Variants in SYT13 observed in about 807,000 individuals in gnomAD.
SYT13 encodes synaptotagmin 13, also known as synaptotagmin-13.
In SYT13, 21 loss-of-function variants were observed where a neutral mutation model predicts 38.6. The observed-to-expected ratio is 0.54, with a 90% CI of 0.39 to 0.78. The LOEUF (loss-of-function observed/expected upper bound fraction) is 0.78. Ranked by LOEUF, SYT13 falls within the 30% of genes least tolerant of loss-of-function variation. The pLI is 0.00. For synonymous variants in SYT13, 241 were observed against 237.6 expected (o/e 1.01, Z -0.13); for missense variants, 495 against 548.7 (o/e 0.90, Z 0.98).
At chr11:45,281,934 G>C (rs1855079396) in intron 1 of SYT13, among the ~76,000 whole-genome samples, 1 of 152,206 alleles carries the variant, frequency 6.6e-6, no homozygotes, top group African/African-American at 2.4e-5. Context: ...GGGGCAAGGG[G>C]AAAAGAGCAG....
chr11:45,280,241 C>A (rs1430150915), intron 1 of SYT13, among the ~76,000 whole-genome samples: 2 of 152,080 alleles, frequency 1.3e-5, no homozygotes, highest in African/African-American at 4.8e-5. Flanking sequence ...AGGTAGGAGG[C>A]CTAATAGGAC....
At chr11:45,277,620 T>C (rs975102187) in intron 1 of SYT13, among the ~76,000 whole-genome samples, 1 of 152,112 alleles carries the variant, frequency 6.6e-6, no homozygotes, top group Non-Finnish European at 1.5e-5. Context: ...CCCCAGGCCC[T>C]CGTAAATGTT....
At chr11:45,282,800 AC>A (rs1489611141) in intron 1 of SYT13, among the ~76,000 whole-genome samples, 1 of 152,140 alleles carries the variant, frequency 6.6e-6, no homozygotes, top group Non-Finnish European at 1.5e-5. Flanking sequence ...AAGACCACAA[AC>A]CTTTTAATGC....
Position 45,264,721 on chromosome 11 carries a change from T to A in SYT13, c.184-8830A>T, listed in dbSNP as rs139922184. 3.8e-3 allele frequency among the ~76,000 whole-genome samples: 573 copies of A among 152,292 alleles called. 10 individuals carry two copies. Among genetic ancestry groups the A allele is most frequent in the African/African-American group, 0.013 (559 of 41,566 alleles). ...TAAGCCATTGTGTTTTGGGGTAGTT[T>A]GTTACACAGCAATAGATAACTAATA... On this transcript the variant is annotated intron_variant, in intron 1 of 5. Coordinates refer to ENST00000020926, the MANE Select transcript of SYT13 (RefSeq NM_020826.3).
At chr11:45,257,792 A>G (rs1466884052) in intron 1 of SYT13, among the ~76,000 whole-genome samples, 1 of 152,054 alleles carries the variant, frequency 6.6e-6, no homozygotes, top group Non-Finnish European at 1.5e-5. Flanking sequence ...GTGGATAAGA[A>G]GCTGCAGCAG....
chr11:45,262,750 CACACACACACACACACACAA>C (rs1243543276), intron 1 of SYT13, among the ~76,000 whole-genome samples: 7 of 134,418 alleles, frequency 5.2e-5, no homozygotes, highest in South Asian at 2.7e-4. Flanking sequence ...CACACACACA[CACACACACACACACACACAA>C]ATTGAACTGT....
At chr11:45,254,198 C>A in intron 3 of SYT13, 72 bp downstream of exon 3, 1 of 1,503,484 alleles carries the variant, frequency 6.7e-7, no homozygotes. Context: ...CAGATGATCC[C>A]ATCCTGCCTG....
chr11:45,259,854 G>A (rs978238001), intron 1 of SYT13, among the ~76,000 whole-genome samples: 3 of 152,198 alleles, frequency 2.0e-5, no homozygotes, highest in African/African-American at 7.2e-5. Context: ...TCAGCCTTGG[G>A]GCAGCAGAGT....
chr11:45,258,286 G>A (rs1027339160), intron 1 of SYT13: 1 of 152,208 alleles, frequency 6.6e-6, no homozygotes, highest in Non-Finnish European at 1.5e-5. Context: ...CACCCTGGGA[G>A]GGACATGTAT....
chr11:45,281,369 C>T (rs1330684681), intron 1 of SYT13, among the ~76,000 whole-genome samples: 2 of 152,000 alleles, frequency 1.3e-5, no homozygotes, highest in South Asian at 2.1e-4. Context: ...GGGATATGGA[C>T]AGAAGGGGCC....
chr11:45,278,894 C>T (rs1033973372), intron 1 of SYT13, among the ~76,000 whole-genome samples: 21 of 152,194 alleles, frequency 1.4e-4, no homozygotes, highest in African/African-American at 4.6e-4. Context: ...CTGTCTTCCA[C>T]GTTGCTAAGC....
intron 1 of SYT13, among the ~76,000 whole-genome samples, chr11:45,273,385 G>A (rs1314394367): frequency 6.6e-6 from 1 of 151,970 alleles, no homozygotes; most frequent in Non-Finnish European, 1.5e-5. Flanking sequence ...TCTCCTTTGG[G>A]CCAACTCCAC....
chr11:45,284,584 C>T (rs1350846158), intron 1 of SYT13, among the ~76,000 whole-genome samples: 1 of 152,054 alleles, frequency 6.6e-6, no homozygotes, highest in African/African-American at 2.4e-5. Context: ...ATCAATAAGA[C>T]AAAGAGTTGG....
intron 1 of SYT13, among the ~76,000 whole-genome samples, chr11:45,257,550 G>C (rs774785177): frequency 1.3e-5 from 2 of 152,250 alleles, no homozygotes; most frequent in African/African-American, 2.4e-5. Flanking sequence ...ATCCTGCACT[G>C]TGTAGGGGAG....
chr11:45,244,070 C>T lies in SYT13; in HGVS notation c.1263G>A (p.Trp421Ter). ...LKNPRRQIAM[W>*]HQLHL ...CAGCTGGTTACAGGTGCAGCTGGTG[C>T]CACATGGCAATCTGCCGGCGAGGGT... Residue 421 changes from tryptophan (W) to a stop codon, truncating the protein, a stop_gained, in exon 6 of 6, where the codon TGG becomes TGA. Coordinates refer to ENST00000020926, the MANE Select transcript of SYT13 (RefSeq NM_020826.3). LOFTEE classifies it high-confidence loss of function. 1 of 1,602,626 alleles carries T rather than the reference C, an allele frequency of 6.2e-7. No individual in the cohort carries two copies. Among genetic ancestry groups the T allele is most frequent in the Admixed American group, 1.7e-5 (1 of 59,864 alleles).
In SYT13 at chr11:45,240,779, T is replaced by C. The variant is rs566949100; in HGVS notation, c.*3273A>G. 2.0e-5 allele frequency: 3 copies of C among 152,388 alleles called. No homozygotes were observed. The South Asian group carries it at 6.2e-4, about 32-fold the overall frequency. 9.4% of individuals were successfully genotyped at this position (152,388 alleles called of 1,614,324 possible). A position where few individuals can be genotyped will look rare whatever the true frequency, so the allele number is the denominator to read the frequency against. On this transcript the variant is annotated 3_prime_UTR_variant, in exon 6 of 6. Coordinates refer to ENST00000020926, the MANE Select transcript of SYT13 (RefSeq NM_020826.3). ...CTCTGAAGAAAGAACCAGATCACCT[T>C]TTTGAGCAACAGTGCATTCTGAAAT... is the stretch of plus-strand genomic sequence containing the variant.
intron 1 of SYT13, among the ~76,000 whole-genome samples, chr11:45,273,036 T>C (rs1854969313): frequency 6.6e-6 from 1 of 152,208 alleles, no homozygotes; most frequent in Admixed American, 6.5e-5. Context: ...GGTTTGAGTA[T>C]GCTATCAATA....
At chr11:45,270,813 T>C (rs991580696) in intron 1 of SYT13, among the ~76,000 whole-genome samples, 2 of 152,280 alleles carry the variant, frequency 1.3e-5, no homozygotes, top group African/African-American at 2.4e-5. Context: ...AACCTGGAAG[T>C]TGAAAAAACA....
intron 1 of SYT13, among the ~76,000 whole-genome samples, chr11:45,264,862 G>C (rs957619043): frequency 4.6e-5 from 7 of 152,224 alleles, no homozygotes; most frequent in Non-Finnish European, 1.0e-4. Context: ...ACAAGGATGT[G>C]AGACATTTGG....
Sources: allele counts gnomAD v4.1 joint callset (sites outside exome capture counted in the v4.1 genomes callset), GRCh38; gene constraint gnomAD v4.1.1; transcripts MANE v1.5; gene names NCBI Gene and HGNC (gene_info 2026-07-23, HGNC 2026-07-21).